EDA: variants seen among roughly 807,000 people sequenced by gnomAD.
EDA encodes ectodysplasin A, also known as ectodysplasin-A.
Under a neutral mutation model 23.6 loss-of-function variants are expected in EDA, and 2 were observed. The ratio of observed to expected loss-of-function variants is 0.08; its 90% confidence interval spans 0.03 to 0.27. The LOEUF (loss-of-function observed/expected upper bound fraction) is 0.27. Among genes scored for constraint, EDA ranks in the 10% least tolerant of loss-of-function variants. The pLI, the probability that EDA is intolerant of heterozygous loss-of-function variation, is 1.00. For missense variants in EDA, 229 were observed against 324.2 expected (o/e 0.71, Z 2.26); for synonymous variants, 131 against 132.0 (o/e 0.99, Z 0.05).
chrX:69,783,745 T>G (rs1163989458), intron 1 of EDA, among the ~76,000 whole-genome samples: 1 of 111,220 alleles, frequency 9.0e-6, no homozygotes, highest in Non-Finnish European at 1.9e-5. Flanking sequence ...AATGCTGCAA[T>G]AAACATACGT....
intron 1 of EDA, among the ~76,000 whole-genome samples, chrX:69,712,634 A>G (rs1022863792): frequency 9.0e-6 from 1 of 111,597 alleles, no homozygotes. Flanking sequence ...TAGTTCAACC[A>G]TTGTGGAAGT....
intron 1 of EDA, among the ~76,000 whole-genome samples, chrX:69,773,584 T>C (rs367747745): frequency 3.6e-5 from 4 of 111,717 alleles, no homozygotes; most frequent in South Asian, 7.5e-4. Flanking sequence ...TTATTTTCTG[T>C]TTTTGTTGTT....
chrX:70,026,101 G>A (rs757344827), intron 3 of EDA, among the ~76,000 whole-genome samples: 3 of 112,279 alleles, frequency 2.7e-5, no homozygotes, highest in African/African-American at 9.7e-5. Context: ...GGTTTTTAGT[G>A]AGACTAGAGA....
At chrX:69,785,413 G>T (rs1247714792) in intron 1 of EDA, among the ~76,000 whole-genome samples, 5 of 96,278 alleles carry the variant, frequency 5.2e-5, no homozygotes, top group Non-Finnish European at 8.8e-5. Context: ...CATTCAGTTT[G>T]ATATTGGCTG....
At chrX:69,623,110 G>A (rs1188985297) in intron 1 of EDA, among the ~76,000 whole-genome samples, 1 of 112,153 alleles carries the variant, frequency 8.9e-6, no homozygotes, top group Non-Finnish European at 1.9e-5. Context: ...ACCTGGTAAA[G>A]CAACTCCTTT....
chrX:69,890,602 C>A (rs2017911049), intron 1 of EDA, among the ~76,000 whole-genome samples: 2 of 111,073 alleles, frequency 1.8e-5, no homozygotes, highest in Non-Finnish European at 3.8e-5. Context: ...GACTGCACAT[C>A]TACAACCATC....
chrX:69,907,727 G>T (rs1402670295), intron 1 of EDA, among the ~76,000 whole-genome samples: 1 of 111,737 alleles, frequency 8.9e-6, no homozygotes, highest in Non-Finnish European at 1.9e-5. Context: ...TATTCAACCA[G>T]ACTTCTGTAT....
In EDA at chrX:70,026,927, G is replaced by A. The variant is rs770424855; in HGVS notation, c.527-930G>A. Among the ~76,000 whole-genome samples the A allele has an allele frequency of 4.4e-4, 47 of 108,033 alleles. 1 individual carries two copies. Among genetic ancestry groups the A allele is most frequent in the African/African-American group, 1.6e-3 (47 of 29,481 alleles). The allele number at this position is 108,033 out of a possible 115,157, so 93.8% of individuals were successfully genotyped here. ...AAACTCCTTCCCATTCCTCATTCCC[G>A]ACTAGCACTGTCCCCATCCCAACCC... On this transcript the variant is annotated intron_variant, in intron 3 of 7. Transcript: ENST00000374552.
intron 2 of EDA, among the ~76,000 whole-genome samples, chrX:69,968,180 T>C (rs943322195): frequency 4.5e-4 from 50 of 111,610 alleles, no homozygotes; most frequent in African/African-American, 1.4e-3. Flanking sequence ...AGTACTTACA[T>C]AGAAGTATGA....
intron 1 of EDA, among the ~76,000 whole-genome samples, chrX:69,783,574 G>A (rs2015031905): frequency 9.1e-6 from 1 of 110,226 alleles, no homozygotes; most frequent in African/African-American, 3.3e-5. Flanking sequence ...TACTGAGAAT[G>A]ATGATTTCCA....
intron 2 of EDA, among the ~76,000 whole-genome samples, chrX:70,017,405 A>T (rs982279605): frequency 2.7e-5 from 3 of 111,577 alleles, no homozygotes; most frequent in African/African-American, 9.8e-5. Flanking sequence ...GACAAAAAAA[A>T]CTTCAGGCCA....
intron 2 of EDA, among the ~76,000 whole-genome samples, chrX:69,975,933 A>G (rs2019312143): frequency 8.9e-6 from 1 of 112,189 alleles, no homozygotes; most frequent in Non-Finnish European, 1.9e-5. Flanking sequence ...GACTCACATT[A>G]TGTTTCTATC....
chrX:69,921,919 T>C (rs959637913), intron 1 of EDA, among the ~76,000 whole-genome samples: 1 of 111,249 alleles, frequency 9.0e-6, no homozygotes, highest in African/African-American at 3.3e-5. Context: ...GAATATTTCG[T>C]CACCCTAAAA....
chrX:69,661,509 G>T (rs912167062), intron 1 of EDA, among the ~76,000 whole-genome samples: 1 of 110,984 alleles, frequency 9.0e-6, no homozygotes, highest in Admixed American at 9.7e-5. Flanking sequence ...AATCCATTTA[G>T]AATTAATTTT....
chrX:69,974,869 G>A (rs6624452), intron 2 of EDA, among the ~76,000 whole-genome samples: 10,075 of 111,161 alleles, frequency 0.091, 850 homozygotes, highest in East Asian at 0.62. Context: ...AAAAATGTTC[G>A]GCATCACTAA....
At chrX:69,856,258 T>TGG (rs199869485) in intron 1 of EDA, among the ~76,000 whole-genome samples, 6 of 74,595 alleles carry the variant, frequency 8.0e-5, no homozygotes, top group Non-Finnish European at 1.4e-4. Flanking sequence ...TTCCATGGTG[T>TGG]GTGTGTGTGT....
chrX:69,828,783 A>G (rs1001795856), intron 1 of EDA, among the ~76,000 whole-genome samples: 1 of 112,620 alleles, frequency 8.9e-6, no homozygotes, highest in Non-Finnish European at 1.9e-5. Flanking sequence ...GTTTCCTGTC[A>G]TATCATGTTT....
chrX:69,796,503 T>A (rs1252205461), intron 1 of EDA, among the ~76,000 whole-genome samples: 1 of 112,049 alleles, frequency 8.9e-6, no homozygotes, highest in East Asian at 2.8e-4. Flanking sequence ...GAGACTACAC[T>A]GCTGCACACG....
At chrX:69,966,854 A>G (rs1206391680) in intron 2 of EDA, among the ~76,000 whole-genome samples, 1 of 109,713 alleles carries the variant, frequency 9.1e-6, no homozygotes, top group East Asian at 2.8e-4. Flanking sequence ...TAAAAATGCA[A>G]GTTTTAGAGT....
Sources: gnomAD v4.1 joint callset for allele counts (sites outside exome capture counted in the v4.1 genomes callset) on GRCh38, gnomAD v4.1.1 for gene constraint, MANE v1.5 for transcripts, NCBI Gene and HGNC (gene_info 2026-07-23, HGNC 2026-07-21) for gene names.